Variants in CLMN observed in about 807,000 individuals in gnomAD.
CLMN encodes calmin.
CLMN carries 57 observed loss-of-function variants against 92.7 expected under a neutral mutation model. The observed-to-expected ratio is 0.61, with a 90% CI of 0.50 to 0.77. The LOEUF is 0.77. CLMN is among the 30% of genes least tolerant of loss of function. CLMN has a pLI of 0.00. For synonymous variants in CLMN, 466 were observed against 470.6 expected, an observed-to-expected ratio of 0.99 and a Z score of 0.13; for missense variants, 1,158 against 1,237.5, an observed-to-expected ratio of 0.94 and a Z score of 0.96.
At position 95,191,532 on chromosome 14, in the gene CLMN, G is replaced by A. The variant is rs1896560418; in HGVS notation, c.*32C>T. 6.3e-7 allele frequency: 1 copy of A among 1,584,834 alleles called. No homozygotes were observed. ...TGAAGTAACCCCGCCCCTGGTCAGG[G>A]TCCTGTCTTTTTTATTATCCAGACA... On this transcript the variant is annotated 3_prime_UTR_variant, in exon 13 of 13. Coordinates refer to ENST00000298912, the MANE Select transcript of CLMN (RefSeq NM_024734.4). The surrounding 1 kb of genome is among the most constrained non-coding windows in gnomAD (Gnocchi z 5.3).
chr14:95,258,320 G>A (rs1309697970), intron 1 of CLMN, among the ~76,000 whole-genome samples: 3 of 150,834 alleles, frequency 2.0e-5, no homozygotes, highest in East Asian at 2.0e-4. Flanking sequence ...TGTGTGGGGT[G>A]TGTGTATGTG....
At chr14:95,237,743 T>C (rs1184704587) in intron 1 of CLMN, among the ~76,000 whole-genome samples, 1 of 152,164 alleles carries the variant, frequency 6.6e-6, no homozygotes, top group Non-Finnish European at 1.5e-5. Context: ...TCTCTGATGC[T>C]CCCTGGTCTA....
At chr14:95,266,108 C>A (rs1384944297) in intron 1 of CLMN, among the ~76,000 whole-genome samples, 1 of 152,156 alleles carries the variant, frequency 6.6e-6, no homozygotes, top group Non-Finnish European at 1.5e-5. Flanking sequence ...AGTATGCTTC[C>A]CCTGAATTGA....
intron 1 of CLMN, among the ~76,000 whole-genome samples, chr14:95,318,826 G>A (rs971423223): frequency 6.6e-6 from 1 of 152,242 alleles, no homozygotes; most frequent in African/African-American, 2.4e-5. Flanking sequence ...GTTCCATGAA[G>A]AACACCTGTC....
chr14:95,290,802 G>A (rs980812854), intron 1 of CLMN, among the ~76,000 whole-genome samples: 6 of 152,166 alleles, frequency 3.9e-5, no homozygotes, highest in African/African-American at 7.2e-5. Flanking sequence ...GCTCCCGAGC[G>A]TCAGAACAGC....
chr14:95,255,813 C>A (rs1199072689), intron 1 of CLMN, among the ~76,000 whole-genome samples: 1 of 152,106 alleles, frequency 6.6e-6, no homozygotes, highest in Non-Finnish European at 1.5e-5. Context: ...TTACTAGGTT[C>A]CCATGTTTTT....
At chr14:95,306,954 G>T (rs1566925011) in intron 1 of CLMN, among the ~76,000 whole-genome samples, 1 of 152,252 alleles carries the variant, frequency 6.6e-6, no homozygotes, top group East Asian at 1.9e-4. Context: ...TTAGAGACAT[G>T]GAAGAAAATA....
chr14:95,204,421 T>G lies in CLMN; in HGVS notation c.928A>C (p.Thr310Pro). Reference sequence around the variant, plus strand: ...GGAGTTTCTTTGATGCGAACAAAAGTGGATTCGATAGGAACTTCTTTATCT... The same window carrying G: ...GGAGTTTCTTTGATGCGAACAAAAGGGGATTCGATAGGAACTTCTTTATCT... ...DSDKEVPIES[T>P]FVRIKETPSE... is the part of the protein sequence containing the mutation. Residue 310 changes from threonine (T) to proline (P), a missense_variant, in exon 9 of 13, where the codon ACT (threonine) becomes CCT (proline). Transcript: ENST00000298912. 4 of 1,608,716 alleles carry G rather than the reference T, an allele frequency of 2.5e-6. No homozygotes were observed. The highest frequency in any genetic ancestry group is 3.4e-6 in the Non-Finnish European group (4 of 1,178,200).
At chr14:95,265,669 T>C (rs532127126) in intron 1 of CLMN, among the ~76,000 whole-genome samples, 11 of 152,314 alleles carry the variant, frequency 7.2e-5, no homozygotes, top group Admixed American at 5.9e-4. Context: ...TCACTTTCAC[T>C]TCCTGGTGAG....
At chr14:95,225,375 T>C (rs1215769601) in intron 2 of CLMN, among the ~76,000 whole-genome samples, 1 of 152,212 alleles carries the variant, frequency 6.6e-6, no homozygotes, top group Non-Finnish European at 1.5e-5. Flanking sequence ...AAAGATAGTG[T>C]ACTTGTCTGC....
chr14:95,292,290 A>G (rs148997987), intron 1 of CLMN, among the ~76,000 whole-genome samples: 7,228 of 152,310 alleles, frequency 0.047, 203 homozygotes, highest in Middle Eastern at 0.082. Flanking sequence ...TCCATATTTT[A>G]TACAGTGGAC....
chr14:95,242,472 C>T (rs2140657318), intron 1 of CLMN, among the ~76,000 whole-genome samples: 1 of 152,068 alleles, frequency 6.6e-6, no homozygotes, highest in Non-Finnish European at 1.5e-5. Flanking sequence ...GTTGGCCAGG[C>T]TGGTCTCGAG....
chr14:95,302,123 C>T (rs1221823757), intron 1 of CLMN, among the ~76,000 whole-genome samples: 2 of 152,240 alleles, frequency 1.3e-5, no homozygotes, highest in Admixed American at 6.5e-5. Flanking sequence ...CACAGTGAAA[C>T]CCCATTTCTA....
At chr14:95,277,236 C>A (rs1180747137) in intron 1 of CLMN, among the ~76,000 whole-genome samples, 1 of 152,236 alleles carries the variant, frequency 6.6e-6, no homozygotes, top group East Asian at 1.9e-4. Context: ...CTTTGTGTGT[C>A]ACTCTGTCAT....
intron 9 of CLMN, among the ~76,000 whole-genome samples, chr14:95,197,344 AAAG>A (rs1308493378): frequency 4.6e-5 from 7 of 151,822 alleles, no homozygotes; most frequent in East Asian, 4.0e-4. Context: ...GAAGAAAAGT[AAAG>A]AAGAAAAAAG....
intron 7 of CLMN, among the ~76,000 whole-genome samples, chr14:95,209,689 A>T (rs1897141058): frequency 6.6e-6 from 1 of 152,224 alleles, no homozygotes; most frequent in South Asian, 2.1e-4. Flanking sequence ...TATAGAATTT[A>T]GGGCTTCTTA....
At position 95,245,233 on chromosome 14, in the gene CLMN, ATATAT is replaced by A. The variant is rs1188840545; in HGVS notation, c.83-15105_83-15101del. 5.0e-4 allele frequency among the ~76,000 whole-genome samples: 18 copies of A among 35,676 alleles called. 1 individual carries two copies. Among genetic ancestry groups the A allele is most frequent in the African/African-American group, 1.9e-3 (11 of 5,806 alleles). The allele number at this position is 35,676 out of a possible 152,430, so 23.4% of individuals were successfully genotyped here. A position where few individuals can be genotyped will look rare whatever the true frequency, so the allele number is the denominator to read the frequency against. ...TTATATATATATATATATTATATAT[ATATAT>A]TATATATATATATATAATATATATA... On this transcript the variant is annotated intron_variant, in intron 1 of 12. Transcript: ENST00000298912.
Position 95,191,632 on chromosome 14 carries a change from T to C in CLMN, c.2941A>G (p.Ile981Val), listed in dbSNP as rs370913265. 5 of 1,613,566 alleles carry C rather than the reference T, an allele frequency of 3.1e-6. No individual in the cohort carries two copies. The African/African-American group carries it at 5.3e-5, about 17-fold the overall frequency. ...TACACCAGGAGCCACAGGAAGAGAA[T>C]AAAATACATCATATCCGGCTGCTGG... is the stretch of plus-strand genomic sequence containing the variant. The part of the protein sequence containing the change: ...LVQQPDMMYF[I>V]LFLWLLVYCL... Residue 981 changes from isoleucine (I) to valine (V), a missense_variant, in exon 13 of 13, where the codon ATT becomes GTT. Physicochemically the swap from Ile to Val is conservative, Grantham distance 29. Transcript: ENST00000298912. The surrounding 1 kb of genome is among the most constrained non-coding windows in gnomAD (Gnocchi z 5.3).
chr14:95,210,901 C>T lies in CLMN; in HGVS notation c.609-22G>A, dbSNP rs368464939. 18 of 1,490,644 alleles carry T rather than the reference C, an allele frequency of 1.2e-5. No individual in the cohort carries two copies. In the East Asian group the frequency reaches 1.5e-4, roughly 13 times the overall value. The allele number at this position is 1,490,644 out of a possible 1,614,324, so 92.3% of individuals were successfully genotyped here. On this transcript the variant is annotated intron_variant, in intron 6 of 12. Coordinates refer to ENST00000298912, the MANE Select transcript of CLMN (RefSeq NM_024734.4). Reference sequence around the variant, plus strand: ...ATACCTGAAGGAAAAACAGCAGCGGCGGCCAGGATGCTGGTTAGTAAACAG... The same window carrying T: ...ATACCTGAAGGAAAAACAGCAGCGGTGGCCAGGATGCTGGTTAGTAAACAG...
Sources: gnomAD v4.1 joint callset for allele counts (sites outside exome capture counted in the v4.1 genomes callset) on GRCh38, gnomAD v4.1.1 for gene constraint, Gnocchi (gnomAD v3.1) non-coding constraint, MANE v1.5 for transcripts, NCBI Gene and HGNC (gene_info 2026-07-23, HGNC 2026-07-21) for gene names.